PSME4: variants seen among roughly 807,000 people sequenced by gnomAD.
PSME4 encodes proteasome activator complex subunit 4.
A neutral mutation model predicts 253.9 loss-of-function variants in PSME4; 89 were observed. That is an observed-to-expected ratio of 0.35 (90% CI 0.30 to 0.42). The LOEUF (loss-of-function observed/expected upper bound fraction) is 0.42. Ranked by LOEUF, PSME4 falls within the 10% of genes least tolerant of loss-of-function variation. PSME4 has a pLI of 1.00. For missense variants in PSME4, 2,014 were observed against 2,195.2 expected, an observed-to-expected ratio of 0.92 and a Z score of 1.65; for synonymous variants, 851 against 759.2, an observed-to-expected ratio of 1.12 and a Z score of -1.99.
intron 34 of PSME4, among the ~76,000 whole-genome samples, chr2:53,894,366 G>C (rs774815128): frequency 2.6e-5 from 4 of 151,934 alleles, no homozygotes; most frequent in Non-Finnish European, 4.4e-5. Context: ...TGCCTTCCTC[G>C]GGTCGGGTAA....
At chr2:53,886,312 G>C (rs1218463531) in intron 40 of PSME4, among the ~76,000 whole-genome samples, 1 of 152,200 alleles carries the variant, frequency 6.6e-6, no homozygotes, top group Non-Finnish European at 1.5e-5. Context: ...AGGAGGCTGA[G>C]GTGGGAGGAT....
At chr2:53,889,527 T>C (rs1242686470) in intron 37 of PSME4, among the ~76,000 whole-genome samples, 1 of 152,002 alleles carries the variant, frequency 6.6e-6, no homozygotes, top group Admixed American at 6.5e-5. Flanking sequence ...AAACCACAGA[T>C]GTGGAACTCA....
chr2:53,923,237 G>C, intron 15 of PSME4, 84 bp downstream of exon 15: 1 of 1,475,082 alleles, frequency 6.8e-7, no homozygotes. Context: ...TGCATTTTAA[G>C]CATAGAAGCA....
intron 20 of PSME4, among the ~76,000 whole-genome samples, chr2:53,916,174 G>C (rs1009703000): frequency 6.6e-6 from 1 of 151,314 alleles, no homozygotes; most frequent in African/African-American, 2.4e-5. Context: ...TTGAACCCAG[G>C]AGGTGGAGGT....
In PSME4 at chr2:53,935,965, C is replaced by T. The variant is rs146548426; in HGVS notation, c.834+122G>A. 126 of 1,332,684 alleles carry T rather than the reference C, an allele frequency of 9.5e-5. No homozygotes were observed. The African/African-American group carries it at 1.5e-3, about 16-fold the overall frequency. 82.6% of individuals were successfully genotyped at this position (1,332,684 alleles called of 1,614,324 possible). On this transcript the variant is annotated intron_variant, in intron 7 of 46. Transcript: ENST00000404125. ...CTGGAGTGCAGTACTGCAATCTTGG[C>T]TCACTGCAACCTCAGCCTCCTGGGT...
At position 53,957,260 on chromosome 2, in the gene PSME4, T is replaced by G. The variant is rs544298447; in HGVS notation, c.243-7977A>C. Among the ~76,000 whole-genome samples the G allele has an allele frequency of 2.0e-5, 3 of 152,332 alleles. No individual in the cohort carries two copies. In the South Asian group the frequency reaches 6.2e-4, roughly 32 times the overall value. On this transcript the variant is annotated intron_variant, in intron 1 of 46. Transcript: ENST00000404125. ...TTTCCACAGATGGCGGGGGTAGTTT[T>G]GGGATGATTTGAGGACATTATATTT...
intron 17 of PSME4, 53 bp downstream of exon 17, chr2:53,922,464 A>G: frequency 6.3e-7 from 1 of 1,576,036 alleles, no homozygotes; most frequent in Non-Finnish European, 8.7e-7. Flanking sequence ...TAAATCCTAA[A>G]AGCAAGTCAG....
chr2:53,921,709 A>G (rs1668328917), intron 17 of PSME4, among the ~76,000 whole-genome samples: 1 of 138,398 alleles, frequency 7.2e-6, no homozygotes, highest in Non-Finnish European at 1.6e-5. Flanking sequence ...TCTACTAAAA[A>G]TACAAAAAAT....
At chr2:53,939,318 T>A (rs1482944850) in intron 4 of PSME4, among the ~76,000 whole-genome samples, 1 of 152,156 alleles carries the variant, frequency 6.6e-6, no homozygotes, top group East Asian at 1.9e-4. Flanking sequence ...AATAACTTGA[T>A]AACAACACAA....
intron 43 of PSME4, among the ~76,000 whole-genome samples, chr2:53,873,023 G>C (rs805388): frequency 1.3e-5 from 2 of 151,484 alleles, no homozygotes; most frequent in Non-Finnish European, 2.9e-5. Flanking sequence ...GGCAGATCAC[G>C]AGGTCAGGAG....
chr2:53,939,799 T>A (rs967092496), intron 4 of PSME4, among the ~76,000 whole-genome samples, 157 bp downstream of exon 4: 4 of 152,196 alleles, frequency 2.6e-5, no homozygotes, highest in Non-Finnish European at 5.9e-5. Flanking sequence ...ATCTGAGAAG[T>A]TCAGTTAATG....
At position 53,899,889 on chromosome 2, in the gene PSME4, A is replaced by G; in HGVS notation, c.3414T>C (p.Asp1138=). The G allele has an allele frequency of 6.2e-7, 1 of 1,613,708 alleles. No individual in the cohort carries two copies. The highest frequency in any genetic ancestry group is 8.5e-7 in the Non-Finnish European group (1 of 1,179,794). ...GIKRQQEKNA[D]ALRNYENLVD... is the part of the protein sequence containing the mutation. ...CACCATTCATCAATTACCTTAGGGC[A>G]TCGGCATTCTTTTCCTGTTGGCGTT... is the stretch of plus-strand genomic sequence containing the variant. Residue 1138 remains aspartate, a synonymous_variant, in exon 29 of 47, where the codon GAT becomes GAC. Coordinates refer to ENST00000404125, the MANE Select transcript of PSME4 (RefSeq NM_014614.3).
chr2:53,893,745 T>G lies in PSME4; in HGVS notation c.3967A>C (p.Ile1323Leu). 3.1e-6 allele frequency: 5 copies of G among 1,611,276 alleles called. No homozygotes were observed. The highest frequency in any genetic ancestry group is 4.2e-6 in the Non-Finnish European group (5 of 1,178,474). Residue 1323 changes from isoleucine (I) to leucine (L), a missense_variant, in exon 35 of 47, where the codon ATT (isoleucine) becomes CTT (leucine). Ile to Leu is a conservative substitution (Grantham distance 5, BLOSUM62 2). This residue lies in a region of PSME4 where 989 missense variants were observed against 1,021.1 expected (regional missense o/e 0.97). Coordinates refer to ENST00000404125, the MANE Select transcript of PSME4 (RefSeq NM_014614.3). The stretch of plus-strand genomic sequence containing the variant: ...CTGTCTTCTAATGATAGAAAAGTAA[T>G]TAACTGCTCAACAAATTTAGGATCA... Reference protein sequence around the residue: ...FSDPKFVEQLITFLSLEDRKG... With the variant: ...FSDPKFVEQLLTFLSLEDRKG...
chr2:53,902,990 C>A (rs376198100), intron 27 of PSME4, among the ~76,000 whole-genome samples: 2 of 152,156 alleles, frequency 1.3e-5, no homozygotes, highest in East Asian at 3.9e-4. Context: ...AGAAAGACCT[C>A]TCCCTGCCTT....
rs568386639 is a variant in PSME4, at chr2:53,896,056, C to G, written c.3689-320G>C. Among the ~76,000 whole-genome samples, 27 of 151,840 alleles carry G rather than the reference C, an allele frequency of 1.8e-4. 1 individual carries two copies. The highest frequency in any genetic ancestry group is 5.2e-4 in the Admixed American group (8 of 15,252). ...AAATAATAATTTCAGACTTACAGAGCTCAAAAAATTCCCACATCTTTTACT... is the reference window on the plus strand; with the variant it reads ...AAATAATAATTTCAGACTTACAGAGGTCAAAAAATTCCCACATCTTTTACT... On this transcript the variant is annotated intron_variant, in intron 32 of 46. Transcript: ENST00000404125.
At chr2:53,928,427 C>G in intron 10 of PSME4, 124 bp from the exon 11 acceptor site, 1 of 739,982 alleles carries the variant, frequency 1.4e-6, no homozygotes, top group African/African-American at 1.8e-5. Flanking sequence ...GCAAAATACT[C>G]AGAGTGAAAA....
At chr2:53,914,290 G>T (rs1667960080) in intron 20 of PSME4, among the ~76,000 whole-genome samples, 1 of 152,114 alleles carries the variant, frequency 6.6e-6, no homozygotes, top group Non-Finnish European at 1.5e-5. Context: ...CAGGATTAAA[G>T]GCAAGGGTCC....
At chr2:53,928,348 G>A (rs755522639) in intron 10 of PSME4, 45 bp from the exon 11 acceptor site, 2 of 1,447,636 alleles carry the variant, frequency 1.4e-6, no homozygotes, top group Non-Finnish European at 1.9e-6. Flanking sequence ...TCACAGATAT[G>A]CATAATACCA....
chr2:53,942,112 C>A (rs2104470126), intron 3 of PSME4: 1 of 152,630 alleles, frequency 6.6e-6, no homozygotes, highest in South Asian at 2.1e-4. Flanking sequence ...AGGCCTGTAC[C>A]ATTGGATTTA....
Sources: gnomAD v4.1 joint callset for allele counts (sites outside exome capture counted in the v4.1 genomes callset) on GRCh38, gnomAD v4.1.1 for gene constraint, gnomAD v4.1.1 regional missense constraint, MANE v1.5 for transcripts, NCBI Gene and HGNC (gene_info 2026-07-23, HGNC 2026-07-21) for gene names.